Variants in RCC1 observed in about 807,000 individuals in gnomAD.
RCC1 encodes the protein regulator of chromosome condensation 1.
Under a neutral mutation model 44.4 loss-of-function variants are expected in RCC1, and 11 were observed. That is an observed-to-expected ratio of 0.25 (90% CI 0.16 to 0.41). RCC1 has a LOEUF of 0.41. RCC1 is among the 10% of genes least tolerant of loss of function. The probability of loss-of-function intolerance (pLI) is 1.00; values close to 1 mark genes in which losing one functional copy is unlikely to be tolerated. For synonymous variants in RCC1, 213 were observed against 216.5 expected, an observed-to-expected ratio of 0.98 and a Z score of 0.14; for missense variants, 386 against 547.1, an observed-to-expected ratio of 0.71 and a Z score of 2.94.
chr1:28,536,082 C>G lies in RCC1; in HGVS notation c.817+56C>G. On this transcript the variant is annotated intron_variant, in intron 10 of 12. Coordinates refer to ENST00000683442, the MANE Select transcript of RCC1 (RefSeq NM_001381865.2). This position sits in a 1 kb window ranked among gnomAD's most constrained non-coding sequence, Gnocchi z 4.9. The stretch of plus-strand genomic sequence containing the variant: ...CCAGTGGCCTGCGTTCCTGTCCTGG[C>G]TCTGCCACTCATTCATTGTGCATCC... 1 of 1,559,284 alleles carries G rather than the reference C, an allele frequency of 6.4e-7. No individual in the cohort carries two copies.
At chr1:28,518,651 C>T (rs1663066869) in intron 4 of RCC1, 2 of 151,308 alleles carry the variant, frequency 1.3e-5, no homozygotes, top group African/African-American at 2.4e-5. Context: ...CGCGGCCGCC[C>T]GGGCGGGGGA....
At chr1:28,532,832 T>C (rs1664263231) in intron 7 of RCC1, 1 of 423,182 alleles carries the variant, frequency 2.4e-6, no homozygotes, top group Non-Finnish European at 4.8e-6. Flanking sequence ...TGTATTGTTT[T>C]GAGATGGAGT....
At chr1:28,527,657 A>C (rs887640209) in intron 4 of RCC1, among the ~76,000 whole-genome samples, 3 of 152,188 alleles carry the variant, frequency 2.0e-5, no homozygotes, top group African/African-American at 4.8e-5. Flanking sequence ...GTTATGATGG[A>C]TATTTCATTT....
chr1:28,509,690 A>ATG (rs1430148436), intron 3 of RCC1: 4 of 152,324 alleles, frequency 2.6e-5, no homozygotes, highest in African/African-American at 9.6e-5. Flanking sequence ...AAGAATCTGA[A>ATG]TGGTACTGTT....
intron 4 of RCC1, among the ~76,000 whole-genome samples, chr1:28,523,189 G>A (rs886412305): frequency 1.3e-5 from 2 of 151,678 alleles, no homozygotes; most frequent in South Asian, 2.1e-4. Context: ...CCGCCACCAC[G>A]CCTGTCTAAT....
chr1:28,537,821 C>G lies in RCC1; in HGVS notation c.1091-11C>G, dbSNP rs1168891108. On this transcript the variant is annotated splice_polypyrimidine_tract_variant and intron_variant, in intron 12 of 12. Coordinates refer to ENST00000683442, the MANE Select transcript of RCC1 (RefSeq NM_001381865.2). ...CCTGGAGACAGCTGTACCCATTTCT[C>G]TCTCTTGCAGGTCGTGTTTTCGCCT... 1 of 1,608,464 alleles carries G rather than the reference C, an allele frequency of 6.2e-7. No individual in the cohort carries two copies. Among genetic ancestry groups the G allele is most frequent in the Non-Finnish European group, 8.5e-7 (1 of 1,178,054 alleles).
At chr1:28,534,164 G>A (rs1473768666) in intron 7 of RCC1, among the ~76,000 whole-genome samples, 3 of 151,312 alleles carry the variant, frequency 2.0e-5, no homozygotes, top group Non-Finnish European at 4.4e-5. Context: ...GGCTTGAGCC[G>A]CCACGTCTGG....
intron 7 of RCC1, among the ~76,000 whole-genome samples, chr1:28,534,392 G>GGAATGGTCTCGAT (rs1557880093): frequency 6.6e-6 from 1 of 151,986 alleles, no homozygotes; most frequent in African/African-American, 2.4e-5. Flanking sequence ...CGTGTTAGCC[G>GGAATGGTCTCGAT]GAATGGTCTC....
At chr1:28,530,469 C>T in intron 5 of RCC1, 1 of 1,520,124 alleles carries the variant, frequency 6.6e-7, no homozygotes, top group Non-Finnish European at 8.9e-7. Context: ...AAGCCAGCAC[C>T]AAACTGGGAG....
At chr1:28,528,387 C>T (rs1332667581) in intron 4 of RCC1, among the ~76,000 whole-genome samples, 2 of 152,056 alleles carry the variant, frequency 1.3e-5, no homozygotes, top group Non-Finnish European at 2.9e-5. Flanking sequence ...ACCCAGGAGG[C>T]AGAGGTTGCA....
At chr1:28,529,705 G>A (rs1481419562) in intron 4 of RCC1, among the ~76,000 whole-genome samples, 153 bp from the exon 5 acceptor site, 1 of 152,030 alleles carries the variant, frequency 6.6e-6, no homozygotes, top group African/African-American at 2.4e-5. Flanking sequence ...ATCTGTGGGT[G>A]CATCCATTAT....
At chr1:28,537,703 G>C (rs1424208116) in intron 12 of RCC1, 129 bp from the exon 13 acceptor site, 1 of 883,098 alleles carries the variant, frequency 1.1e-6, no homozygotes, top group African/African-American at 1.7e-5. Flanking sequence ...TGAACTCCCA[G>C]AGTCTGGTAC....
chr1:28,538,040 A>T lies in RCC1; in HGVS notation c.*33A>T, dbSNP rs769958005. On this transcript the variant is annotated 3_prime_UTR_variant, in exon 13 of 13. Transcript: ENST00000683442. ...TCTGAGGGCCTGGCTTCTGTCCTGC[A>T]CAACCTCCCTCACAGAACAGGGAAG... The T allele has an allele frequency of 1.3e-6, 2 of 1,594,372 alleles. No homozygotes were observed. The highest frequency in any genetic ancestry group is 1.7e-6 in the Non-Finnish European group (2 of 1,169,244).
chr1:28,508,850 T>C lies in RCC1; in HGVS notation c.-208T>C, dbSNP rs1013118382. 1.9e-6 allele frequency: 1 copy of C among 517,660 alleles called. No homozygotes were observed. The highest frequency in any genetic ancestry group is 3.9e-6 in the Non-Finnish European group (1 of 259,460). 32.1% of individuals were successfully genotyped at this position (517,660 alleles called of 1,614,324 possible). On this transcript the variant is annotated 5_prime_UTR_variant, in exon 3 of 13. Coordinates refer to ENST00000683442, the MANE Select transcript of RCC1 (RefSeq NM_001381865.2). ...TTTAGGAGAGAAGACGATCTGCACT[T>C]CGCATTTTGGCATTGACATTTAATT... is the stretch of plus-strand genomic sequence containing the variant.
Position 28,536,651 on chromosome 1 carries a change from C to T in RCC1, c.938-96C>T, listed in dbSNP as rs1664571901. On this transcript the variant is annotated intron_variant, in intron 11 of 12. Transcript: ENST00000683442. The surrounding 1 kb of genome is among the most constrained non-coding windows in gnomAD (Gnocchi z 4.9). ...CTTCTGATCGCTCTGGGAGCAGGGACACACTCCCATGGACAGGTGGACTCA... is the reference window on the plus strand; with the variant it reads ...CTTCTGATCGCTCTGGGAGCAGGGATACACTCCCATGGACAGGTGGACTCA... 3.5e-6 allele frequency: 5 copies of T among 1,426,136 alleles called. No homozygotes were observed. Among genetic ancestry groups the T allele is most frequent in the Non-Finnish European group, 4.8e-6 (5 of 1,034,728 alleles). The allele number at this position is 1,426,136 out of a possible 1,614,324, so 88.3% of individuals were successfully genotyped here. A position where few individuals can be genotyped will look rare whatever the true frequency, so the allele number is the denominator to read the frequency against.
intron 4 of RCC1, among the ~76,000 whole-genome samples, chr1:28,529,588 T>C (rs1431556467): frequency 1.3e-5 from 2 of 152,130 alleles, no homozygotes; most frequent in African/African-American, 4.8e-5. Context: ...TACTGTTCTA[T>C]CATGAATATA....
chr1:28,514,052 T>C (rs1662718522), intron 3 of RCC1, among the ~76,000 whole-genome samples: 1 of 150,202 alleles, frequency 6.7e-6, no homozygotes, highest in Admixed American at 6.6e-5. Context: ...GCCTGTAGTC[T>C]CAGCTACTTG....
At chr1:28,532,657 C>A (rs1259143052) in intron 7 of RCC1, 2 of 508,202 alleles carry the variant, frequency 3.9e-6, no homozygotes, top group Non-Finnish European at 7.6e-6. Flanking sequence ...ACTTCTGTCT[C>A]CCCCTCACCT....
chr1:28,512,437 T>C (rs1249535856), intron 3 of RCC1, among the ~76,000 whole-genome samples: 1 of 152,184 alleles, frequency 6.6e-6, no homozygotes, highest in East Asian at 1.9e-4. Context: ...TCAGTACTTA[T>C]TCTTGTACTG....
Sources: gnomAD v4.1 joint callset for allele counts (sites outside exome capture counted in the v4.1 genomes callset) on GRCh38, gnomAD v4.1.1 for gene constraint, Gnocchi (gnomAD v3.1) non-coding constraint, MANE v1.5 for transcripts, NCBI Gene and HGNC (gene_info 2026-07-23, HGNC 2026-07-21) for gene names.